Variants in ARMCX4 observed in about 807,000 individuals in gnomAD.
ARMCX4 encodes the protein armadillo repeat containing X-linked 4.
Under a neutral mutation model 34.7 loss-of-function variants are expected in ARMCX4, and 3 were observed. The observed-to-expected ratio is 0.09, with a 90% CI of 0.04 to 0.22. The LOEUF (loss-of-function observed/expected upper bound fraction) is 0.22, where lower values mean the gene tolerates loss of function less well. ARMCX4 is among the 10% of genes least tolerant of loss of function. The probability of loss-of-function intolerance (pLI) is 1.00; values close to 1 mark genes in which losing one functional copy is unlikely to be tolerated. For synonymous variants in ARMCX4, 513 were observed against 632.8 expected (o/e 0.81, Z 2.84); for missense variants, 1,448 against 1,720.8 (o/e 0.84, Z 2.81).
At chrX:101,457,723 AAAAC>A (rs781823790) in intron 4 of ARMCX4, among the ~76,000 whole-genome samples, 1 of 110,781 alleles carries the variant, frequency 9.0e-6, no homozygotes, top group Non-Finnish European at 1.9e-5. Context: ...CTGCATCTCA[AAAAC>A]AAACAAACAA....
intron 11 of ARMCX4, among the ~76,000 whole-genome samples, chrX:101,527,775 A>T (rs1290842559): frequency 8.9e-6 from 1 of 111,844 alleles, no homozygotes; most frequent in Non-Finnish European, 1.9e-5. Context: ...TCCAAGACTA[A>T]ACCAGGAAGA....
In ARMCX4 at chrX:101,490,656, G is replaced by A; in HGVS notation, c.2067G>A (p.Lys689=). The change falls in exon 6 of 6, where the codon AAG becomes AAA. Residue 689 remains lysine (K), a synonymous_variant. Coordinates refer to ENST00000423738, the MANE Select transcript of ARMCX4 (RefSeq NM_001256155.3). ...TGCTTGATTCTAAGAATAAGGTCAA[G>A]GGTAATTCCAATGCTGTGTCTAAGG... ...EALLDSKNKV[K]GNSNAVSKAG... 8.6e-7 allele frequency: 1 copy of A among 1,156,113 alleles called. No homozygotes were observed.
At chrX:101,533,523 T>A (rs782692511), downstream of ARMCX4, 1 of 111,617 alleles carries the variant, frequency 9.0e-6, no homozygotes, top group South Asian at 3.7e-4. Flanking sequence ...CTAGAATTAC[T>A]GCAGCTATTT....
At chrX:101,448,265 C>T (rs962682502), downstream of ARMCX4, among the ~76,000 whole-genome samples, 27 of 112,050 alleles carry the variant, frequency 2.4e-4, no homozygotes, top group Non-Finnish European at 3.8e-5. Context: ...TAGGTTGCTT[C>T]CAAATCTTAG....
At chrX:101,442,007 A>G (rs782739517) in intron 2 of ARMCX4, among the ~76,000 whole-genome samples, 1 of 112,232 alleles carries the variant, frequency 8.9e-6, no homozygotes, top group South Asian at 3.7e-4. Context: ...TGATGGATGC[A>G]TGGATTCCGT....
Position 101,432,981 on chromosome X carries a change from T to C in ARMCX4, n.165-11071T>C, listed in dbSNP as rs868961002. Among the ~76,000 whole-genome samples, 101 of 35,532 alleles carry C rather than the reference T, an allele frequency of 2.8e-3. 1 individual carries two copies. Among genetic ancestry groups the C allele is most frequent in the Admixed American group, 4.8e-3 (18 of 3,782 alleles). The allele number at this position is 35,532 out of a possible 115,157, so 30.9% of individuals were successfully genotyped here. A position where few individuals can be genotyped will look rare whatever the true frequency, so the allele number is the denominator to read the frequency against. On this transcript the variant is annotated intron_variant and non_coding_transcript_variant, in intron 2 of 3. Transcript: ENST00000430461. ...ATACATATGTGTATATGTGTATATA[T>C]ACACACATGTATACATATATGTGTA...
chrX:101,517,795 T>C (rs782678595), intron 11 of ARMCX4, among the ~76,000 whole-genome samples: 1 of 111,351 alleles, frequency 9.0e-6, no homozygotes, highest in African/African-American at 3.3e-5. Flanking sequence ...AAAAGAAAGA[T>C]TGAGTGACAT....
At chrX:101,453,270 CA>C (rs1220112909) in intron 4 of ARMCX4, among the ~76,000 whole-genome samples, 2 of 112,012 alleles carry the variant, frequency 1.8e-5, no homozygotes, top group African/African-American at 3.2e-5. Context: ...TTTCATGACA[CA>C]AAAATAGTAT....
At chrX:101,505,049 T>A (rs782390720) in exon 8 of ARMCX4, 1 of 111,707 alleles carries the variant, frequency 9.0e-6, no homozygotes, top group Non-Finnish European at 1.9e-5. Flanking sequence ...TCCAAAGTCA[T>A]GTTGAGGATG....
In ARMCX4 at chrX:101,495,777, T is replaced by C; in HGVS notation, c.*315T>C. The stretch of plus-strand genomic sequence containing the variant: ...TTTAAGACTATTTTTATGTCATCAA[T>C]AAAGTTGTGTGTTTTAAGCAGCAGA... On this transcript the variant is annotated 3_prime_UTR_variant, in exon 6 of 6. Transcript: ENST00000423738. 5.9e-6 allele frequency: 1 copy of C among 170,624 alleles called. No individual in the cohort carries two copies. The allele number at this position is 170,624 out of a possible 1,213,427, so 14.1% of individuals were successfully genotyped here. A position where few individuals can be genotyped will look rare whatever the true frequency, so the allele number is the denominator to read the frequency against.
rs182366645 is a variant in ARMCX4 at position 101,441,369 on chromosome X, A to G, written n.165-2683A>G. On this transcript the variant is annotated intron_variant and non_coding_transcript_variant, in intron 2 of 3. Transcript: ENST00000430461. ...AAACCCACGATCCTCTTACTTCACC[A>G]TGATGGTCCGCTTGCTGAATGGCTC... is the stretch of plus-strand genomic sequence containing the variant. 3.6e-5 allele frequency among the ~76,000 whole-genome samples: 4 copies of G among 110,646 alleles called. No individual in the cohort carries two copies. In the East Asian group the frequency reaches 1.1e-3, roughly 32 times the overall value.
At chrX:101,453,374 G>C (rs1010628075) in intron 4 of ARMCX4, among the ~76,000 whole-genome samples, 1 of 111,975 alleles carries the variant, frequency 8.9e-6, no homozygotes, top group Admixed American at 9.5e-5. Context: ...ATGTTCTATA[G>C]ACCCATGCTT....
At chrX:101,421,158 G>A (rs1555990003) in intron 2 of ARMCX4, among the ~76,000 whole-genome samples, 1 of 100,495 alleles carries the variant, frequency 1.0e-5, no homozygotes, top group East Asian at 3.0e-4. Flanking sequence ...AGCTGAGATC[G>A]CGCCATTGCA....
downstream of ARMCX4, among the ~76,000 whole-genome samples, chrX:101,450,464 C>T (rs962629859): frequency 1.2e-4 from 13 of 111,755 alleles, no homozygotes; most frequent in Non-Finnish European, 2.4e-4. Flanking sequence ...TCCTTCAGGG[C>T]AGTGAACTCC....
chrX:101,512,848 ATGTGTATATATG>A (rs1934620332), intron 11 of ARMCX4, among the ~76,000 whole-genome samples: 1 of 68,979 alleles, frequency 1.4e-5, no homozygotes, highest in South Asian at 6.7e-4. Context: ...ATGTGTATAT[ATGTGTATATATG>A]TATATATATG....
intron 4 of ARMCX4, among the ~76,000 whole-genome samples, chrX:101,467,304 C>T (rs2147617571): frequency 9.0e-6 from 1 of 111,179 alleles, no homozygotes; most frequent in Non-Finnish European, 1.9e-5. Context: ...CATGCGCCAC[C>T]ATGCCCGGCT....
chrX:101,486,688 G>A (rs1933735049), intron 2 of ARMCX4, among the ~76,000 whole-genome samples: 1 of 111,292 alleles, frequency 9.0e-6, no homozygotes, highest in South Asian at 3.8e-4. Context: ...AGCACTTTGA[G>A]AGACCCAAGC....
At chrX:101,486,947 T>A (rs868922348) in intron 2 of ARMCX4, among the ~76,000 whole-genome samples, 100 of 106,237 alleles carry the variant, frequency 9.4e-4, no homozygotes, top group African/African-American at 3.3e-3. Context: ...AAAAATAAAA[T>A]AAATAAAATA....
intron 2 of ARMCX4, among the ~76,000 whole-genome samples, chrX:101,436,308 C>G (rs1397910092): frequency 1.8e-5 from 2 of 110,945 alleles, no homozygotes; most frequent in African/African-American, 6.6e-5. Context: ...TTTGTATCCT[C>G]TTTTATTTCC....
Sources: allele counts gnomAD v4.1 joint callset (sites outside exome capture counted in the v4.1 genomes callset), GRCh38; gene constraint gnomAD v4.1.1; transcripts MANE v1.5; gene names NCBI Gene and HGNC (gene_info 2026-07-23, HGNC 2026-07-21).